EPHA5: variants seen among roughly 807,000 people sequenced by gnomAD.
The protein encoded by EPHA5 is EPH receptor A5.
In EPHA5, 60 loss-of-function variants were observed where a neutral mutation model predicts 105.0. The ratio of observed to expected loss-of-function variants is 0.57; its 90% CI spans 0.46 to 0.71. The LOEUF (loss-of-function observed/expected upper bound fraction) is 0.71. Ranked by LOEUF, EPHA5 falls within the 30% of genes least tolerant of loss-of-function variation. EPHA5 has a pLI of 0.00. For synonymous variants in EPHA5, 513 were observed against 449.1 expected (o/e 1.14, Z -1.80); for missense variants, 1,218 against 1,274.7 (o/e 0.96, Z 0.68).
intron 3 of EPHA5, among the ~76,000 whole-genome samples, chr4:65,577,718 A>C (rs1302089357): frequency 6.6e-6 from 1 of 152,196 alleles, no homozygotes; most frequent in African/African-American, 2.4e-5. Flanking sequence ...TAATGCATGC[A>C]GAAATGCCAC....
intron 1 of EPHA5, among the ~76,000 whole-genome samples, chr4:65,655,253 T>G (rs1369210559): frequency 1.3e-5 from 2 of 152,120 alleles, no homozygotes; most frequent in African/African-American, 2.4e-5. Context: ...ACTGTTTTTT[T>G]GAAGTGTGGT....
At chr4:65,388,863 G>T (rs1158396182) in intron 8 of EPHA5, among the ~76,000 whole-genome samples, 1 of 151,636 alleles carries the variant, frequency 6.6e-6, no homozygotes, top group Non-Finnish European at 1.5e-5. Context: ...CATTGCTTTT[G>T]GTGTTTTAGG....
chr4:65,484,936 A>G (rs1385761239), intron 5 of EPHA5, among the ~76,000 whole-genome samples: 6 of 152,094 alleles, frequency 3.9e-5, no homozygotes, highest in African/African-American at 7.2e-5. Flanking sequence ...CTAAAAGAAT[A>G]GAACAGAACA....
intron 8 of EPHA5, among the ~76,000 whole-genome samples, chr4:65,393,741 A>G (rs1720947425): frequency 6.6e-6 from 1 of 152,236 alleles, no homozygotes; most frequent in South Asian, 2.1e-4. Flanking sequence ...CTGCAAGATC[A>G]ATAATTTCCT....
chr4:65,403,062 T>G (rs919229946), intron 8 of EPHA5, among the ~76,000 whole-genome samples: 2 of 152,080 alleles, frequency 1.3e-5, no homozygotes, highest in African/African-American at 4.8e-5. Context: ...TAATCTAACA[T>G]TAAAAGTAAG....
intron 2 of EPHA5, among the ~76,000 whole-genome samples, chr4:65,625,071 T>C (rs1746014101): frequency 6.6e-6 from 1 of 152,172 alleles, no homozygotes; most frequent in Admixed American, 6.5e-5. Flanking sequence ...TTATTAAATA[T>C]AGCACTAATG....
At chr4:65,333,847 A>C (rs1180479160) in intron 15 of EPHA5, among the ~76,000 whole-genome samples, 5 of 151,658 alleles carry the variant, frequency 3.3e-5, no homozygotes, top group African/African-American at 1.2e-4. Context: ...GTCCAAGACC[A>C]CACTCCTCAT....
chr4:65,480,885 A>AATC (rs1730295405), intron 5 of EPHA5, among the ~76,000 whole-genome samples: 1 of 151,622 alleles, frequency 6.6e-6, no homozygotes, highest in Admixed American at 6.6e-5. Flanking sequence ...TAATAATAAT[A>AATC]ATAATTCCCA....
intron 5 of EPHA5, among the ~76,000 whole-genome samples, chr4:65,482,216 TGAACCCAGGAG>T (rs1240001345): frequency 2.1e-5 from 3 of 145,900 alleles, no homozygotes; most frequent in African/African-American, 2.4e-5. Context: ...GAGAAGTGCT[TGAACCCAGGAG>T]GCGGAGGTTA....
intron 5 of EPHA5, among the ~76,000 whole-genome samples, chr4:65,487,448 G>T (rs951563610): frequency 6.6e-6 from 1 of 152,062 alleles, no homozygotes; most frequent in Non-Finnish European, 1.5e-5. Context: ...AAAAATTATG[G>T]CTCAGGGGTC....
intron 15 of EPHA5, 114 bp downstream of exon 15, chr4:65,335,818 T>C: frequency 9.6e-7 from 1 of 1,044,158 alleles, no homozygotes; most frequent in Non-Finnish European, 1.4e-6. Flanking sequence ...TAAATTAGTG[T>C]CATATAGATT....
chr4:65,541,239 T>G (rs1050910469), intron 3 of EPHA5, among the ~76,000 whole-genome samples: 5 of 151,726 alleles, frequency 3.3e-5, no homozygotes, highest in Middle Eastern at 3.4e-3. Flanking sequence ...TAGGATAAAA[T>G]TCACATATAA....
At chr4:65,556,523 A>G (rs373124094) in intron 3 of EPHA5, among the ~76,000 whole-genome samples, 90 of 152,306 alleles carry the variant, frequency 5.9e-4, no homozygotes, top group African/African-American at 2.0e-3. Flanking sequence ...TTACGTTTCT[A>G]TGACTAACAA....
At chr4:65,411,914 ATAAAATCAATTT>A (rs957926345) in intron 7 of EPHA5, among the ~76,000 whole-genome samples, 8 of 152,210 alleles carry the variant, frequency 5.3e-5, no homozygotes, top group Non-Finnish European at 1.0e-4. Flanking sequence ...TAGAAATTAA[ATAAAATCAATTT>A]TAAAATAATA....
At chr4:65,550,395 T>C (rs1280037513) in intron 3 of EPHA5, among the ~76,000 whole-genome samples, 1 of 152,180 alleles carries the variant, frequency 6.6e-6, no homozygotes, top group Non-Finnish European at 1.5e-5. Context: ...ATTTGATGTG[T>C]ATTTTACTAA....
At chr4:65,508,647 A>G (rs1404248535) in intron 3 of EPHA5, among the ~76,000 whole-genome samples, 1 of 152,156 alleles carries the variant, frequency 6.6e-6, no homozygotes, top group Non-Finnish European at 1.5e-5. Flanking sequence ...CTTTAAAATC[A>G]AGCAACAATT....
chr4:65,479,286 G>T (rs1046372614), intron 5 of EPHA5, among the ~76,000 whole-genome samples: 1 of 151,978 alleles, frequency 6.6e-6, no homozygotes, highest in Admixed American at 6.6e-5. Context: ...TGATATTTAC[G>T]TAATTTACTC....
chr4:65,490,611 A>T lies in EPHA5; in HGVS notation c.1168T>A (p.Ser390Thr), dbSNP rs755793306. 24 of 1,613,990 alleles carry T rather than the reference A, an allele frequency of 1.5e-5. No individual in the cohort carries two copies. The South Asian group carries it at 2.5e-4, about 17-fold the overall frequency. Reference sequence around the variant, plus strand: ...CACTTCTTGCATGCAATATAATATGACACGTCTTTCCTTCCACCAGTGTCA... The same window carrying T: ...CACTTCTTGCATGCAATATAATATGTCACGTCTTTCCTTCCACCAGTGTCA... Reference protein sequence around the residue: ...PADTGGRKDVSYYIACKKCNS... With the variant: ...PADTGGRKDVTYYIACKKCNS... The change falls in exon 5 of 17, where the codon TCA becomes ACA. Residue 390 changes from serine to threonine, a missense_variant. Ser to Thr is a moderately conservative substitution (Grantham distance 58, BLOSUM62 1). This residue lies in a region of EPHA5 where 971 missense variants were observed against 1,013.5 expected (regional missense o/e 0.96). Coordinates refer to ENST00000613740, the MANE Select transcript of EPHA5 (RefSeq NM_001281766.3).
At chr4:65,596,539 A>G (rs1380282410) in intron 3 of EPHA5, among the ~76,000 whole-genome samples, 5 of 152,184 alleles carry the variant, frequency 3.3e-5, no homozygotes, top group Non-Finnish European at 7.3e-5. Flanking sequence ...CAAAAATTTT[A>G]TTAGAACTAA....
Sources: gnomAD v4.1 joint callset for allele counts (sites outside exome capture counted in the v4.1 genomes callset) on GRCh38, gnomAD v4.1.1 for gene constraint, gnomAD v4.1.1 regional missense constraint, MANE v1.5 for transcripts, NCBI Gene and HGNC (gene_info 2026-07-23, HGNC 2026-07-21) for gene names.